The following KDM6B variants were observed in gnomAD, a reference collection of about 807,000 sequenced individuals.
KDM6B encodes the protein lysine-specific demethylase 6B.
A neutral mutation model predicts 150.4 loss-of-function variants in KDM6B; 22 were observed. That is an observed-to-expected ratio of 0.15 (90% CI 0.10 to 0.21). KDM6B has a LOEUF of 0.21. Ranked by LOEUF, KDM6B falls within the 10% of genes least tolerant of loss-of-function variation. KDM6B has a pLI of 1.00. For synonymous variants in KDM6B, 1,148 were observed against 921.1 expected (o/e 1.25, Z -4.46); for missense variants, 1,984 against 2,234.3 (o/e 0.89, Z 2.26).
In KDM6B at chr17:7,849,690, C is replaced by T. The variant is rs752917203; in HGVS notation, c.3402C>T (p.Thr1134=). The part of the protein sequence containing the change: ...EERRLRMADL[T]ISHCAADVVR... ...GGCGGCTGCGCATGGCAGACCTCAC[C>T]ATCAGCCACTGTGCTGCTGACGTCG... Residue 1134 remains threonine, a synonymous_variant, in exon 12 of 24, where the codon ACC becomes ACT. Coordinates refer to ENST00000448097, the MANE Select transcript of KDM6B (RefSeq NM_001348716.2). 7.5e-6 allele frequency: 12 copies of T among 1,610,494 alleles called. No homozygotes were observed. Among genetic ancestry groups the T allele is most frequent in the Middle Eastern group, 1.7e-4 (1 of 6,060 alleles).
chr17:7,848,902 T>C lies in KDM6B; in HGVS notation c.2614T>C (p.Ser872Pro), dbSNP rs746703803. Residue 872 changes from serine (S) to proline (P), a missense_variant, in exon 12 of 24, where the codon TCT (serine) becomes CCT (proline). By Grantham distance (74) the Ser-to-Pro change is moderately conservative. This residue lies in a region of KDM6B where 1,379 missense variants were observed against 1,275.6 expected (regional missense o/e 1.08). Transcript: ENST00000448097. The part of the protein sequence containing the change: ...QPSASSSSQF[S>P]TSGGPWARER... ...CTCTGCTTCCTCGTCATCTCAGTTC[T>C]CTACCTCAGGCGGGCCCTGGGCCCG... 6 of 1,605,636 alleles carry C rather than the reference T, an allele frequency of 3.7e-6. No individual in the cohort carries two copies. The highest frequency in any genetic ancestry group is 5.1e-6 in the Non-Finnish European group (6 of 1,175,262).
Position 7,846,759 on chromosome 17 carries a change from C to A in KDM6B, c.711+19C>A. The A allele has an allele frequency of 6.2e-7, 1 of 1,613,956 alleles. No individual in the cohort carries two copies. The highest frequency in any genetic ancestry group is 1.3e-5 in the African/African-American group (1 of 74,976). On this transcript the variant is annotated intron_variant, in intron 9 of 23. Transcript: ENST00000448097. The stretch of plus-strand genomic sequence containing the variant: ...TGAACAGGTGTGGGTATAGGGGGGC[C>A]AGCAGGCAGTAAGTAGGCAGGACTT...
In KDM6B at chr17:7,850,485, C is replaced by T. The variant is rs78633955; in HGVS notation, c.3673+308C>T. On this transcript the variant is annotated intron_variant, in intron 14 of 23. Coordinates refer to ENST00000448097, the MANE Select transcript of KDM6B (RefSeq NM_001348716.2). ...GGGGCTCTCTCTCAGTCTTTTATTG[C>T]GCAGAATTTCAAACACATACAAAAT... Among the ~76,000 whole-genome samples, 2,215 of 152,266 alleles carry T rather than the reference C, an allele frequency of 0.015. 136 individuals carry two copies. In the East Asian group the frequency reaches 0.15, roughly 10 times the overall value.
Position 7,854,712 on chromosome 17 carries a change from G to C in KDM6B, c.*1191G>C, listed in dbSNP as rs751631671. ...ACTGCACTGTCTCTCTGCCCCAGGG[G>C]CAGAGGGGTCTTCCCAACCCTACCC... On this transcript the variant is annotated 3_prime_UTR_variant, in exon 24 of 24. Coordinates refer to ENST00000448097, the MANE Select transcript of KDM6B (RefSeq NM_001348716.2). 1 of 230,128 alleles carries C rather than the reference G, an allele frequency of 4.3e-6. No homozygotes were observed. The highest frequency in any genetic ancestry group is 5.2e-5 in the Admixed American group (1 of 19,366). 14.3% of individuals were successfully genotyped at this position (230,128 alleles called of 1,614,324 possible).
rs1266404630 is a variant in KDM6B, at chr17:7,851,815, C to T, written c.4165+19C>T. 6.4e-7 allele frequency: 1 copy of T among 1,556,508 alleles called. No individual in the cohort carries two copies. The highest frequency in any genetic ancestry group is 2.4e-5 in the East Asian group (1 of 41,290). On this transcript the variant is annotated intron_variant, in intron 18 of 23. Transcript: ENST00000448097. ...ACGCCAGGTGCGCTCCACGCCTGTG[C>T]GCGCTGATGCTGGAAGCGCGAGAGG...
Position 7,847,151 on chromosome 17 carries a change from C to T in KDM6B, c.956C>T (p.Ala319Val), listed in dbSNP as rs768273754. ...LPHPYPYPAP[A>V]YTAHPPGHRL... is the part of the protein sequence containing the mutation. ...CACCCATATCCATACCCAGCTCCAGCGTACACCGCGCACCCCCCTGGCCAC... is the reference window on the plus strand; with the variant it reads ...CACCCATATCCATACCCAGCTCCAGTGTACACCGCGCACCCCCCTGGCCAC... Residue 319 changes from alanine (A) to valine (V), a missense_variant, in exon 11 of 24, where the codon GCG (alanine) becomes GTG (valine). Ala to Val is a moderately conservative substitution (Grantham distance 64). Transcript: ENST00000448097. The T allele has an allele frequency of 1.1e-5, 17 of 1,607,988 alleles. No homozygotes were observed. The highest frequency in any genetic ancestry group is 9.3e-5 in the African/African-American group (7 of 74,900).
In KDM6B at chr17:7,848,154, C is replaced by T. The variant is rs776451966; in HGVS notation, c.1866C>T (p.Phe622=). The change falls in exon 12 of 24, where the codon TTC becomes TTT. Residue 622 remains phenylalanine, a synonymous_variant. Coordinates refer to ENST00000448097, the MANE Select transcript of KDM6B (RefSeq NM_001348716.2). ...GCCACCAAAATACCTCAGGAAGCTT[C>T]AGGCGCCCGGAGAGCCCCCGGCCCA... is the stretch of plus-strand genomic sequence containing the variant. ...SSCHQNTSGS[F]RRPESPRPRV... 6.2e-7 allele frequency: 1 copy of T among 1,612,862 alleles called. No homozygotes were observed. Among genetic ancestry groups the T allele is most frequent in the South Asian group, 1.1e-5 (1 of 91,084 alleles).
chr17:7,846,276 C>T lies in KDM6B; in HGVS notation c.435C>T (p.Pro145=), dbSNP rs755197989. Reference sequence around the variant, plus strand: ...GAGGAAGCTTCGCTGAGCTGGGGCCCCGCATTGGCCGACTGCAGCAGGTAG... The same window carrying T: ...GAGGAAGCTTCGCTGAGCTGGGGCCTCGCATTGGCCGACTGCAGCAGGTAG... ...RYGGSFAELG[P]RIGRLQQAQL... Residue 145 remains proline (P), a synonymous_variant, in exon 7 of 24, where the codon CCC becomes CCT. Transcript: ENST00000448097. 4.3e-6 allele frequency: 7 copies of T among 1,613,324 alleles called. No homozygotes were observed. The East Asian group carries it at 1.6e-4, about 36-fold the overall frequency.
intron 2 of KDM6B, chr17:7,840,719 G>T (rs1268480274): frequency 6.6e-6 from 1 of 152,170 alleles, no homozygotes; most frequent in Non-Finnish European, 1.5e-5. Flanking sequence ...GGGGTTTCTC[G>T]AGTGGGACTG....
chr17:7,850,047 C>A (rs2078660546), intron 13 of KDM6B, 25 bp from the exon 14 acceptor site: 7 of 1,613,292 alleles, frequency 4.3e-6, no homozygotes, highest in African/African-American at 1.3e-5. Context: ...GGGCTCTGAC[C>A]CCAGCTCTCC....
intron 2 of KDM6B, among the ~76,000 whole-genome samples, chr17:7,841,356 C>T (rs1178101851): frequency 1.3e-5 from 2 of 152,144 alleles, no homozygotes; most frequent in Non-Finnish European, 2.9e-5. Flanking sequence ...ACTGATCCAG[C>T]GAGACGTCAG....
chr17:7,850,067 C>T lies in KDM6B; in HGVS notation c.3568-5C>T, dbSNP rs370862709. 6 of 1,613,746 alleles carry T rather than the reference C, an allele frequency of 3.7e-6. No homozygotes were observed. Among genetic ancestry groups the T allele is most frequent in the Non-Finnish European group, 5.1e-6 (6 of 1,179,938 alleles). ...CTGACCCCAGCTCTCCTGGTCATGT[C>T]TCAGCTGGAGAGCAAACGGGATGCC... On this transcript the variant is annotated splice_region_variant and splice_polypyrimidine_tract_variant and intron_variant, in intron 13 of 23. Coordinates refer to ENST00000448097, the MANE Select transcript of KDM6B (RefSeq NM_001348716.2).
chr17:7,845,827 G>C (rs373907968), intron 5 of KDM6B, 45 bp from the exon 6 acceptor site: 10 of 1,595,754 alleles, frequency 6.3e-6, no homozygotes, highest in Non-Finnish European at 8.6e-6. Context: ...GGTAGGACAA[G>C]ACTGCTCCTT....
At chr17:7,842,572 G>A (rs1330233554) in intron 2 of KDM6B, among the ~76,000 whole-genome samples, 7 of 152,326 alleles carry the variant, frequency 4.6e-5, no homozygotes, top group East Asian at 1.9e-4. Context: ...CAGAGCGAGA[G>A]TGGAGGTGAG....
At position 7,849,129 on chromosome 17, in the gene KDM6B, T is replaced by C. The variant is rs1314278017; in HGVS notation, c.2841T>C (p.Ser947=). ...DPVDTAEPAD[S]GTERLLPPAQ... is the part of the protein sequence containing the mutation. ...TGGACACAGCAGAGCCAGCGGACAG[T>C]GGGACTGAGCGACTGCTGCCCCCCG... Residue 947 remains serine, a synonymous_variant, in exon 12 of 24, where the codon AGT becomes AGC. Coordinates refer to ENST00000448097, the MANE Select transcript of KDM6B (RefSeq NM_001348716.2). 1.1e-5 allele frequency: 18 copies of C among 1,612,166 alleles called. No homozygotes were observed. The Admixed American group carries it at 2.7e-4, about 24-fold the overall frequency.
chr17:7,850,236 C>A (rs571717701), intron 14 of KDM6B, 59 bp downstream of exon 14: 2 of 1,386,102 alleles, frequency 1.4e-6, no homozygotes, highest in South Asian at 1.2e-5. Flanking sequence ...GCATGTAGGA[C>A]CCTCTGAGAA....
rs199821311 is a variant in KDM6B at position 7,848,173 on chromosome 17, C to T, written c.1885C>T (p.Arg629Trp). The T allele has an allele frequency of 7.0e-4, 1,127 of 1,612,638 alleles. 10 individuals carry two copies. The African/African-American group carries it at 0.014, about 19-fold the overall frequency. The change falls in exon 12 of 24, where the codon CGG becomes TGG. Residue 629 changes from arginine to tryptophan, a missense_variant. Arg to Trp is a moderately radical substitution (Grantham distance 101). This residue lies in a region of KDM6B where 1,379 missense variants were observed against 1,275.6 expected (regional missense o/e 1.08). Transcript: ENST00000448097. ...AAGCTTCAGGCGCCCGGAGAGCCCC[C>T]GGCCCAGGGTCTCCTTCCCAAAGAC... ...SGSFRRPESP[R>W]PRVSFPKTPE...
At position 7,847,932 on chromosome 17, in the gene KDM6B, C is replaced by A; in HGVS notation, c.1644C>A (p.Thr548=). The change falls in exon 12 of 24, where the codon ACC becomes ACA. Residue 548 remains threonine (T), a synonymous_variant. Transcript: ENST00000448097. ...QDSHTPPTPP[T]PTTSSSNSNS... ...CTCACACCCCTCCCACTCCCCCAAC[C>A]CCAACCACCAGCAGTAGCAACAGCA... The A allele has an allele frequency of 2.5e-6, 4 of 1,611,836 alleles. No individual in the cohort carries two copies. Among genetic ancestry groups the A allele is most frequent in the Non-Finnish European group, 3.4e-6 (4 of 1,179,272 alleles).
chr17:7,836,372 C>T (rs1052828586), intron 1 of KDM6B, among the ~76,000 whole-genome samples: 2 of 152,228 alleles, frequency 1.3e-5, no homozygotes, highest in Non-Finnish European at 1.5e-5. Context: ...TATAACTCTT[C>T]CTCTCGCCGT....
Sources: gnomAD v4.1 joint callset for allele counts (sites outside exome capture counted in the v4.1 genomes callset) on GRCh38, gnomAD v4.1.1 for gene constraint, gnomAD v4.1.1 regional missense constraint, MANE v1.5 for transcripts, NCBI Gene and HGNC (gene_info 2026-07-23, HGNC 2026-07-21) for gene names.